Variants in SLC22A25 observed in about 807,000 individuals in gnomAD.
The protein encoded by SLC22A25 is solute carrier family 22 member 25, also known as MGI:2442751, MGI:2385316, MGI:3042283, MGI:3645714, MGI:3605624, MGI:2442750.
A neutral mutation model predicts 45.9 loss-of-function variants in SLC22A25; 44 were observed. The observed-to-expected ratio is 0.96, with a 90% CI of 0.75 to 1.23. The LOEUF is 1.23. SLC22A25 is among the 50% of genes most tolerant of loss of function. The pLI is 0.00. For synonymous variants in SLC22A25, 283 were observed against 238.6 expected, an observed-to-expected ratio of 1.19 and a Z score of -1.72; for missense variants, 800 against 666.4, an observed-to-expected ratio of 1.20 and a Z score of -2.21.
intron 7 of SLC22A25, among the ~76,000 whole-genome samples, chr11:63,205,927 G>C (rs1001660387): frequency 7.9e-5 from 12 of 152,110 alleles, no homozygotes; most frequent in African/African-American, 2.2e-4. Flanking sequence ...GAATCCAGCA[G>C]CACATCAAAA....
chr11:63,180,190 G>A (rs764848392), intron 9 of SLC22A25, among the ~76,000 whole-genome samples: 5 of 152,122 alleles, frequency 3.3e-5, no homozygotes, highest in South Asian at 2.1e-4. Flanking sequence ...TTCTGTGTGC[G>A]GTTGAGGGGT....
At chr11:63,193,910 C>T (rs983506844) in intron 7 of SLC22A25, among the ~76,000 whole-genome samples, 1 of 152,078 alleles carries the variant, frequency 6.6e-6, no homozygotes, top group South Asian at 2.1e-4. Context: ...AAGCTAAAAA[C>T]CTTGAAAAAA....
At chr11:63,175,390 C>T (rs2088049456) in intron 9 of SLC22A25, among the ~76,000 whole-genome samples, 1 of 151,932 alleles carries the variant, frequency 6.6e-6, no homozygotes, top group African/African-American at 2.4e-5. Context: ...TTCCATTGGC[C>T]ATTTGTATGG....
At chr11:63,240,679 T>A (rs1427010327) in intron 1 of SLC22A25, among the ~76,000 whole-genome samples, 1 of 152,218 alleles carries the variant, frequency 6.6e-6, no homozygotes, top group Non-Finnish European at 1.5e-5. Flanking sequence ...ATTTTTTTGT[T>A]AAAAATAAAG....
At chr11:63,240,639 T>C (rs2090232529) in intron 1 of SLC22A25, among the ~76,000 whole-genome samples, 1 of 152,184 alleles carries the variant, frequency 6.6e-6, no homozygotes, top group Non-Finnish European at 1.5e-5. Flanking sequence ...TCTATAAGCT[T>C]TTCTATTAAG....
Position 63,166,043 on chromosome 11 carries a change from C to T in SLC22A25, c.1285+1G>A, listed in dbSNP as rs753807537. On this transcript the variant is annotated splice_donor_variant, in intron 10 of 11. Transcript: ENST00000306494. LOFTEE classifies it high-confidence loss of function. ...TTCTTCCACCTGTGAACTTTTCTCACCTTGAGGCACAAATATGATGGCCAG... is the reference window on the plus strand; with the variant it reads ...TTCTTCCACCTGTGAACTTTTCTCATCTTGAGGCACAAATATGATGGCCAG... The T allele has an allele frequency of 3.7e-6, 6 of 1,613,500 alleles. No homozygotes were observed. The East Asian group carries it at 1.3e-4, about 36-fold the overall frequency.
chr11:63,193,575 T>C (rs2317092), intron 7 of SLC22A25, among the ~76,000 whole-genome samples: 150,453 of 152,352 alleles, frequency 0.99, 74,328 homozygotes, highest in Middle Eastern at 1. Context: ...AGGGTCCTGA[T>C]TGTTGGAAGG....
rs1402947524 is a variant in SLC22A25 at position 63,191,151 on chromosome 11, T to G, written c.831-7334A>C. ...CTATACCCTGCCCTGAGATGTGGAGTCTACAAAGGCAGGCAGGCCTCCTCA... is the reference window on the plus strand; with the variant it reads ...CTATACCCTGCCCTGAGATGTGGAGGCTACAAAGGCAGGCAGGCCTCCTCA... On this transcript the variant is annotated intron_variant, in intron 7 of 11. Transcript: ENST00000306494. Among the ~76,000 whole-genome samples, 4 of 152,158 alleles carry G rather than the reference T, an allele frequency of 2.6e-5. No individual in the cohort carries two copies. In the East Asian group the frequency reaches 7.7e-4, roughly 29 times the overall value.
chr11:63,218,042 G>A, intron 5 of SLC22A25: 1 of 545,368 alleles, frequency 1.8e-6, no homozygotes, highest in East Asian at 4.5e-5. Flanking sequence ...TGTCCCTTGT[G>A]AAGACAAATT....
intron 7 of SLC22A25, among the ~76,000 whole-genome samples, chr11:63,193,615 A>G (rs1565089597): frequency 6.6e-6 from 1 of 152,188 alleles, no homozygotes; most frequent in Non-Finnish European, 1.5e-5. Context: ...GAATAGCACC[A>G]ACATCAACAA....
intron 1 of SLC22A25, among the ~76,000 whole-genome samples, chr11:63,240,488 A>C (rs1590928472): frequency 6.6e-6 from 1 of 152,336 alleles, no homozygotes; most frequent in South Asian, 2.1e-4. Flanking sequence ...TTCTTCAATA[A>C]TAAATTAACC....
Position 63,164,624 on chromosome 11 carries a change from G to C in SLC22A25, c.1296C>G (p.Thr432=). ...AIIFVPQEMQ[T]LRVVLATLGV... ...CCAGGGTTGCCAAAACCACACGCAG[G>C]GTCTGCATTTCTGGAGAAAGGAAGA... is the stretch of plus-strand genomic sequence containing the variant. The change falls in exon 11 of 12, where the codon ACC becomes ACG. Residue 432 remains threonine (T), a synonymous_variant. Transcript: ENST00000306494. 6.2e-7 allele frequency: 1 copy of C among 1,613,568 alleles called. No homozygotes were observed. Among genetic ancestry groups the C allele is most frequent in the Non-Finnish European group, 8.5e-7 (1 of 1,179,686 alleles).
intron 7 of SLC22A25, among the ~76,000 whole-genome samples, chr11:63,193,787 T>C (rs1171585987): frequency 6.6e-6 from 1 of 152,102 alleles, no homozygotes; most frequent in Non-Finnish European, 1.5e-5. Flanking sequence ...CTGCCAGCAA[T>C]GGAACAAAGC....
intron 7 of SLC22A25, among the ~76,000 whole-genome samples, chr11:63,202,484 T>C (rs541300933): frequency 2.0e-5 from 3 of 152,114 alleles, no homozygotes; most frequent in Non-Finnish European, 4.4e-5. Flanking sequence ...TGTCCAACAT[T>C]ACTGAGGCTT....
intron 7 of SLC22A25, 131 bp from the exon 8 acceptor site, chr11:63,183,948 G>T: frequency 7.8e-7 from 1 of 1,282,434 alleles, no homozygotes; most frequent in Non-Finnish European, 1.1e-6. Context: ...GGAAATAAAA[G>T]CCTACATTCT....
At chr11:63,192,264 A>G (rs1405345397) in intron 7 of SLC22A25, among the ~76,000 whole-genome samples, 5 of 152,130 alleles carry the variant, frequency 3.3e-5, no homozygotes, top group Non-Finnish European at 5.9e-5. Context: ...GAGAAATAAG[A>G]TCCCTTTTCA....
rs1325891547 is a variant in SLC22A25 at position 63,211,910 on chromosome 11, T to C, written c.830+5404A>G. Among the ~76,000 whole-genome samples, 11 of 151,996 alleles carry C rather than the reference T, an allele frequency of 7.2e-5. No homozygotes were observed. In the South Asian group the frequency reaches 2.1e-3, roughly 29 times the overall value. The stretch of plus-strand genomic sequence containing the variant: ...ACAGAATGGGAGAAAACTTTTGCAA[T>C]CTACTCATCTGACAAAGGGCTAATA... On this transcript the variant is annotated intron_variant, in intron 7 of 11. Coordinates refer to ENST00000306494, the MANE Select transcript of SLC22A25 (RefSeq NM_199352.6).
At chr11:63,200,901 T>A (rs1426828180) in intron 7 of SLC22A25, among the ~76,000 whole-genome samples, 6 of 152,064 alleles carry the variant, frequency 3.9e-5, no homozygotes, top group Admixed American at 3.9e-4. Flanking sequence ...TGAACACCCA[T>A]TCACAATTGC....
At position 63,164,522 on chromosome 11, in the gene SLC22A25, G is replaced by C. The variant is rs368564226; in HGVS notation, c.1394+4C>G. On this transcript the variant is annotated splice_donor_region_variant and intron_variant, in intron 11 of 11. Coordinates refer to ENST00000306494, the MANE Select transcript of SLC22A25 (RefSeq NM_199352.6). Reference sequence around the variant, plus strand: ...AATGACAGAGCACACATAAACTTTTGTACCTGATTATGGAAGGAATTAGTT... The same window carrying C: ...AATGACAGAGCACACATAAACTTTTCTACCTGATTATGGAAGGAATTAGTT... 1.2e-6 allele frequency: 2 copies of C among 1,611,352 alleles called. No individual in the cohort carries two copies. Among genetic ancestry groups the C allele is most frequent in the South Asian group, 1.1e-5 (1 of 91,006 alleles).
Sources: allele counts gnomAD v4.1 joint callset (sites outside exome capture counted in the v4.1 genomes callset), GRCh38; gene constraint gnomAD v4.1.1; transcripts MANE v1.5; gene names NCBI Gene and HGNC (gene_info 2026-07-23, HGNC 2026-07-21).